The following PCDHGB1 variants were observed in gnomAD, a reference collection of about 807,000 sequenced individuals.
PCDHGB1 encodes the protein protocadherin gamma subfamily B, 1.
PCDHGB1 carries 34 observed loss-of-function variants against 56.6 expected under a neutral mutation model. The ratio of observed to expected loss-of-function variants is 0.60; its 90% CI spans 0.46 to 0.80. The LOEUF is 0.80. Among genes scored for constraint, PCDHGB1 ranks in the 30% least tolerant of loss-of-function variants. PCDHGB1 has a pLI of 0.00. For synonymous variants in PCDHGB1, 561 were observed against 505.9 expected, an observed-to-expected ratio of 1.11 and a Z score of -1.46; for missense variants, 1,278 against 1,204.6, an observed-to-expected ratio of 1.06 and a Z score of -0.90.
rs761189685 is a variant in PCDHGB1 at position 141,404,203 on chromosome 5, A to G, written c.2409+51534A>G. On this transcript the variant is annotated intron_variant, in intron 1 of 3. Coordinates refer to ENST00000523390, the MANE Select transcript of PCDHGB1 (RefSeq NM_018922.3). Reference sequence around the variant, plus strand: ...TTCTTGACCGAGAAAAAGCCTCAGAATATAATATCACGGTGACTGCAACAG... The same window carrying G: ...TTCTTGACCGAGAAAAAGCCTCAGAGTATAATATCACGGTGACTGCAACAG... 11 of 1,613,806 alleles carry G rather than the reference A, an allele frequency of 6.8e-6. No individual in the cohort carries two copies. In the South Asian group the frequency reaches 1.2e-4, roughly 18 times the overall value.
Position 141,476,610 on chromosome 5 carries a change from G to A in PCDHGB1, c.2410-18197G>A, listed in dbSNP as rs769858609. ...GAGAGCGCGCACGATCCCGATGTGGGAAGCAACTCTTTACAAACCTATGAG... is the reference window on the plus strand; with the variant it reads ...GAGAGCGCGCACGATCCCGATGTGGAAAGCAACTCTTTACAAACCTATGAG... On this transcript the variant is annotated intron_variant, in intron 1 of 3. Coordinates refer to ENST00000523390, the MANE Select transcript of PCDHGB1 (RefSeq NM_018922.3). The surrounding 1 kb of genome is among the most constrained non-coding windows in gnomAD (Gnocchi z 7.6). The A allele has an allele frequency of 1.2e-6, 2 of 1,614,262 alleles. No homozygotes were observed. The highest frequency in any genetic ancestry group is 3.3e-5 in the Admixed American group (2 of 60,036).
chr5:141,351,657 C>T lies in PCDHGB1; in HGVS notation c.1397C>T (p.Ser466Phe). ...HVSENNPPGA[S>F]IAQVSASDPD... ...TCTGAGAACAACCCACCTGGCGCCT[C>T]CATTGCACAAGTAAGCGCCTCCGAC... is the stretch of plus-strand genomic sequence containing the variant. Residue 466 changes from serine to phenylalanine, a missense_variant, in exon 1 of 4, where the codon TCC (serine) becomes TTC (phenylalanine). Transcript: ENST00000523390. The T allele has an allele frequency of 6.2e-7, 1 of 1,614,048 alleles. No individual in the cohort carries two copies. Among genetic ancestry groups the T allele is most frequent in the Non-Finnish European group, 8.5e-7 (1 of 1,179,910 alleles).
intron 1 of PCDHGB1, chr5:141,361,692 C>T (rs1321631953): frequency 3.7e-6 from 6 of 1,613,512 alleles, no homozygotes; most frequent in Non-Finnish European, 5.1e-6. Flanking sequence ...CGCAGCGCGC[C>T]TTCGATCATG....
At chr5:141,404,593 A>C in intron 1 of PCDHGB1, 1 of 1,614,080 alleles carries the variant, frequency 6.2e-7, no homozygotes, top group Non-Finnish European at 8.5e-7. Flanking sequence ...GCAATGTGTC[A>C]TTGAGACTGT....
intron 1 of PCDHGB1, chr5:141,383,994 C>T: frequency 6.2e-7 from 1 of 1,613,758 alleles, no homozygotes. Flanking sequence ...TTGGGACAGT[C>T]ATTGCTCTTT....
chr5:141,477,453 A>G lies in PCDHGB1; in HGVS notation c.2410-17354A>G, dbSNP rs886363658. 1 of 1,614,018 alleles carries G rather than the reference A, an allele frequency of 6.2e-7. No homozygotes were observed. Among genetic ancestry groups the G allele is most frequent in the African/African-American group, 1.3e-5 (1 of 74,910 alleles). The stretch of plus-strand genomic sequence containing the variant: ...TCAGCCCTTACAATAGTGCGTGTTC[A>G]AGTGTCCGACATCAATGACAACCCT... On this transcript the variant is annotated intron_variant, in intron 1 of 3. Coordinates refer to ENST00000523390, the MANE Select transcript of PCDHGB1 (RefSeq NM_018922.3). This position sits in a 1 kb window ranked among gnomAD's most constrained non-coding sequence, Gnocchi z 4.9.
intron 1 of PCDHGB1, chr5:141,383,690 T>C: frequency 1.9e-6 from 3 of 1,614,010 alleles, no homozygotes; most frequent in Non-Finnish European, 2.5e-6. Flanking sequence ...CTGCTCACGG[T>C]ACATGCTATC....
chr5:141,392,060 G>A (rs537832041), intron 1 of PCDHGB1: 11 of 151,956 alleles, frequency 7.2e-5, no homozygotes, highest in Non-Finnish European at 1.5e-4. Context: ...AAATATTATC[G>A]ACATGTAATT....
chr5:141,374,093 C>G (rs1039229802), intron 1 of PCDHGB1: 2 of 1,554,704 alleles, frequency 1.3e-6, no homozygotes, highest in South Asian at 1.2e-5. Context: ...AATGGCGCCT[C>G]CGCAGAGGCA....
At position 141,351,853 on chromosome 5, in the gene PCDHGB1, G is replaced by A. The variant is rs563575027; in HGVS notation, c.1593G>A (p.Arg531=). The A allele has an allele frequency of 2.5e-6, 4 of 1,613,036 alleles. No individual in the cohort carries two copies. The highest frequency in any genetic ancestry group is 1.1e-5 in the South Asian group (1 of 91,056). ...CCTTCGAGCTCACACTGCAGGCCAGGGACCAGGGCTCCCCCGCGCTCAGCG... is the reference window on the plus strand; with the variant it reads ...CCTTCGAGCTCACACTGCAGGCCAGAGACCAGGGCTCCCCCGCGCTCAGCG... ...LRAFELTLQA[R]DQGSPALSAN... is the part of the protein sequence containing the mutation. The change falls in exon 1 of 4, where the codon AGG becomes AGA. Residue 531 remains arginine, a synonymous_variant. Coordinates refer to ENST00000523390, the MANE Select transcript of PCDHGB1 (RefSeq NM_018922.3).
chr5:141,452,148 T>C (rs1294195346), intron 1 of PCDHGB1, among the ~76,000 whole-genome samples: 1 of 152,228 alleles, frequency 6.6e-6, no homozygotes, highest in Non-Finnish European at 1.5e-5. Flanking sequence ...TTTTTTCCAA[T>C]GAGTTATATT....
chr5:141,473,798 T>C lies in PCDHGB1; in HGVS notation c.2410-21009T>C, dbSNP rs1202883137. 2.6e-5 allele frequency among the ~76,000 whole-genome samples: 4 copies of C among 152,350 alleles called. 1 individual carries two copies. The highest frequency in any genetic ancestry group is 6.8e-3 in the Middle Eastern group (2 of 294). On this transcript the variant is annotated intron_variant, in intron 1 of 3. Transcript: ENST00000523390. ...TTTTAATTCAAGAGCAGTATGATGCTACTGAGGAGCAGCTGGACAATTGTG... is the reference window on the plus strand; with the variant it reads ...TTTTAATTCAAGAGCAGTATGATGCCACTGAGGAGCAGCTGGACAATTGTG...
intron 1 of PCDHGB1, chr5:141,433,086 C>A (rs747501244): frequency 1.9e-6 from 3 of 1,614,208 alleles, no homozygotes; most frequent in African/African-American, 2.7e-5. Context: ...CCCAACTATG[C>A]AGACATGCTC....
chr5:141,416,745 C>T (rs186830862), intron 1 of PCDHGB1: 5 of 152,194 alleles, frequency 3.3e-5, no homozygotes, highest in South Asian at 2.1e-4. Flanking sequence ...AAAATAGTGA[C>T]GTATTAGGTA....
At chr5:141,370,007 A>G (rs1350230524) in intron 1 of PCDHGB1, among the ~76,000 whole-genome samples, 1 of 152,272 alleles carries the variant, frequency 6.6e-6, no homozygotes, top group South Asian at 2.1e-4. Flanking sequence ...AAATTAAAAG[A>G]AATAACAGAC....
intron 1 of PCDHGB1, chr5:141,356,593 A>C: frequency 1.2e-6 from 2 of 1,614,170 alleles, no homozygotes; most frequent in Non-Finnish European, 1.7e-6. Context: ...TCCTGAAAAC[A>C]ACCCCAGAGG....
chr5:141,432,428 G>C lies in PCDHGB1; in HGVS notation c.2410-62379G>C. 6.2e-7 allele frequency: 1 copy of C among 1,614,232 alleles called. No homozygotes were observed. On this transcript the variant is annotated intron_variant, in intron 1 of 3. Coordinates refer to ENST00000523390, the MANE Select transcript of PCDHGB1 (RefSeq NM_018922.3). The surrounding 1 kb of genome is among the most constrained non-coding windows in gnomAD (Gnocchi z 6.0). ...GAGCCTGTTCGTGCTGGACCAGAAC[G>C]ACAATGCGCCCGAGATCCTGTACCC...
chr5:141,374,274 T>C lies in PCDHGB1; in HGVS notation c.2409+21605T>C, dbSNP rs981240859. ...CCCCAGGAGTTGGCGGAGCACGGAG[T>C]CCGCATCGTCTCCAGAGGTAGGATG... On this transcript the variant is annotated intron_variant, in intron 1 of 3. Transcript: ENST00000523390. The C allele has an allele frequency of 6.2e-7, 1 of 1,613,742 alleles. No homozygotes were observed. Among genetic ancestry groups the C allele is most frequent in the African/African-American group, 1.3e-5 (1 of 74,888 alleles).
At chr5:141,404,769 A>C (rs528627644) in intron 1 of PCDHGB1, 1 of 1,611,124 alleles carries the variant, frequency 6.2e-7, no homozygotes, top group South Asian at 1.1e-5. Context: ...TGGCTCTCCT[A>C]CCGCCTATTC....
Sources: allele counts gnomAD v4.1 joint callset (sites outside exome capture counted in the v4.1 genomes callset), GRCh38; gene constraint gnomAD v4.1.1; non-coding constraint Gnocchi (gnomAD v3.1); transcripts MANE v1.5; gene names NCBI Gene and HGNC (gene_info 2026-07-23, HGNC 2026-07-21).